PNLDC1: variants seen among roughly 807,000 people sequenced by gnomAD.
PNLDC1 encodes poly(A)-specific ribonuclease PNLDC1.
Under a neutral mutation model 82.0 loss-of-function variants are expected in PNLDC1, and 70 were observed. The ratio of observed to expected loss-of-function variants is 0.85; its 90% CI spans 0.70 to 1.04. The LOEUF is 1.04. Ranked by LOEUF, PNLDC1 falls within the 50% of genes least tolerant of loss-of-function variation. PNLDC1 has a pLI of 0.00. For synonymous variants in PNLDC1, 280 were observed against 249.3 expected, an observed-to-expected ratio of 1.12 and a Z score of -1.16; for missense variants, 631 against 661.1, an observed-to-expected ratio of 0.95 and a Z score of 0.50.
intron 10 of PNLDC1, among the ~76,000 whole-genome samples, chr6:159,811,376 C>A (rs538506352): frequency 3.8e-4 from 58 of 152,186 alleles, no homozygotes; most frequent in African/African-American, 1.4e-3. Context: ...CAAATGATAT[C>A]ATGTCTGCCT....
intron 3 of PNLDC1, among the ~76,000 whole-genome samples, chr6:159,802,300 G>C (rs953456247): frequency 6.6e-6 from 1 of 151,718 alleles, no homozygotes; most frequent in Non-Finnish European, 1.5e-5. Context: ...GCCCTCTCCC[G>C]CACCATTGGG....
At position 159,809,067 on chromosome 6, in the gene PNLDC1, CT is replaced by C; in HGVS notation, c.694del (p.Cys232ValfsTer26). 6.2e-7 allele frequency: 1 copy of C among 1,614,024 alleles called. No individual in the cohort carries two copies. The highest frequency in any genetic ancestry group is 8.5e-7 in the Non-Finnish European group (1 of 1,180,016). On this transcript the variant is annotated frameshift_variant, in exon 9 of 19. Transcript: ENST00000392167. LOFTEE classifies it high-confidence loss of function. Reference protein sequence around the residue: ...KQHRWYLQNTSCDRESCWKEN... With the variant: ...KQHRWYLQNTXCDRESCWKEN... ...CATCGTTGGTATCTTCAGAACACCT[CT>C]TGTGACCGAGAGAGCTGTTGGAAGG...
At position 159,818,907 on chromosome 6, in the gene PNLDC1, G is replaced by A. The variant is rs1393642122; in HGVS notation, c.1258-39G>A. 4.4e-6 allele frequency: 7 copies of A among 1,599,912 alleles called. No individual in the cohort carries two copies. In the African/African-American group the frequency reaches 5.4e-5, roughly 12 times the overall value. On this transcript the variant is annotated intron_variant, in intron 16 of 18. Coordinates refer to ENST00000392167, the MANE Select transcript of PNLDC1 (RefSeq NM_001271862.2). Reference sequence around the variant, plus strand: ...TTCAGACTGGATAAGAAGTCAGGAAGAACTGTGGAAAATCTCTTGTGTTCT... The same window carrying A: ...TTCAGACTGGATAAGAAGTCAGGAAAAACTGTGGAAAATCTCTTGTGTTCT...
chr6:159,809,434 G>A (rs1298172566), intron 9 of PNLDC1, among the ~76,000 whole-genome samples: 4 of 148,852 alleles, frequency 2.7e-5, no homozygotes, highest in African/African-American at 9.9e-5. Context: ...ACAGGCACAT[G>A]CCACCATACC....
intron 1 of PNLDC1, 128 bp downstream of exon 1, chr6:159,800,511 CTT>C: frequency 6.9e-6 from 9 of 1,307,902 alleles, no homozygotes; most frequent in Non-Finnish European, 9.4e-6. Context: ...GACAGGGGGG[CTT>C]CCTTCTCCAG....
chr6:159,801,222 A>C, intron 3 of PNLDC1, 36 bp downstream of exon 3: 1 of 1,578,950 alleles, frequency 6.3e-7, no homozygotes, highest in Middle Eastern at 1.7e-4. Context: ...TTTTTCAAGA[A>C]GGTATTTTTA....
chr6:159,812,515 T>G (rs763483858), intron 11 of PNLDC1, among the ~76,000 whole-genome samples: 1 of 152,176 alleles, frequency 6.6e-6, no homozygotes, highest in Non-Finnish European at 1.5e-5. Context: ...CATTGAGCCC[T>G]CCAGTCATGG....
Position 159,800,847 on chromosome 6 carries a change from T to C in PNLDC1, c.134+18T>C. ...CAGATCAGGTAAAACTAAAGCTGTG[T>C]CCCCTCTGTATAAGAGCCTGGCCAG... On this transcript the variant is annotated intron_variant, in intron 2 of 18. Transcript: ENST00000392167. 1 of 1,613,962 alleles carries C rather than the reference T, an allele frequency of 6.2e-7. No individual in the cohort carries two copies. Among genetic ancestry groups the C allele is most frequent in the African/African-American group, 1.3e-5 (1 of 75,008 alleles).
At chr6:159,800,522 A>G in intron 1 of PNLDC1, 139 bp downstream of exon 1, 1 of 1,311,394 alleles carries the variant, frequency 7.6e-7, no homozygotes. Context: ...TTCCTTCTCC[A>G]GCCCCGGGGC....
intron 11 of PNLDC1, among the ~76,000 whole-genome samples, 177 bp from the exon 12 acceptor site, chr6:159,813,424 C>T (rs1020266705): frequency 1.3e-5 from 2 of 152,178 alleles, no homozygotes; most frequent in African/African-American, 2.4e-5. Context: ...CCCAGGAATA[C>T]TGCGTACCCT....
Position 159,801,218 on chromosome 6 carries a change from A to G in PNLDC1, c.208+32A>G, listed in dbSNP as rs144727551. On this transcript the variant is annotated intron_variant, in intron 3 of 18. Coordinates refer to ENST00000392167, the MANE Select transcript of PNLDC1 (RefSeq NM_001271862.2). ...TTAATATCAGCTGTTAGAGTTTTTC[A>G]AGAAGGTATTTTTATTGTCCTTGGA... 5.0e-5 allele frequency: 79 copies of G among 1,587,352 alleles called. No individual in the cohort carries two copies. In the African/African-American group the frequency reaches 8.7e-4, roughly 18 times the overall value.
At chr6:159,809,876 C>T in intron 9 of PNLDC1, 150 bp from the exon 10 acceptor site, 1 of 658,388 alleles carries the variant, frequency 1.5e-6, no homozygotes. Flanking sequence ...AACTACCTTT[C>T]ACAGAGGCAA....
chr6:159,799,533 G>C (rs930069507), upstream of PNLDC1, among the ~76,000 whole-genome samples: 1 of 152,178 alleles, frequency 6.6e-6, no homozygotes, highest in Non-Finnish European at 1.5e-5. Flanking sequence ...GAGGACCATA[G>C]TTCCAAAACG....
chr6:159,799,558 G>A (rs1781158809), upstream of PNLDC1, among the ~76,000 whole-genome samples: 1 of 152,182 alleles, frequency 6.6e-6, no homozygotes, highest in Non-Finnish European at 1.5e-5. Flanking sequence ...TCAAGTAGAA[G>A]CCTAGAATTC....
chr6:159,813,607 A>G lies in PNLDC1; in HGVS notation c.946A>G (p.Asn316Asp). Residue 316 changes from asparagine to aspartate, a missense_variant, in exon 12 of 19, where the codon AAT becomes GAT. Physicochemically the swap from Asn to Asp is conservative, Grantham distance 23. Transcript: ENST00000392167. Reference protein sequence around the residue: ...SVTKDIWKEMNFPRVSNLSEV... With the variant: ...SVTKDIWKEMDFPRVSNLSEV... ...TTGTTTTCCATGATTGTAGGAGATG[A>G]ATTTCCCGAGGGTGTCGAATCTTTC... 6.2e-7 allele frequency: 1 copy of G among 1,612,872 alleles called. No individual in the cohort carries two copies. The highest frequency in any genetic ancestry group is 8.5e-7 in the Non-Finnish European group (1 of 1,178,834).
At chr6:159,802,016 C>A (rs958684755) in intron 3 of PNLDC1, among the ~76,000 whole-genome samples, 1 of 151,960 alleles carries the variant, frequency 6.6e-6, no homozygotes, top group Non-Finnish European at 1.5e-5. Context: ...GCCTCCAGAG[C>A]AGCTGGGATT....
chr6:159,820,421 C>G (rs920978357), intron 18 of PNLDC1, 33 bp from the exon 19 acceptor site: 1 of 1,611,430 alleles, frequency 6.2e-7, no homozygotes, highest in South Asian at 1.1e-5. Context: ...CTGCTGGGTG[C>G]CCCGGCCACT....
chr6:159,800,976 A>G, intron 2 of PNLDC1, 137 bp from the exon 3 acceptor site: 1 of 1,442,452 alleles, frequency 6.9e-7, no homozygotes, highest in Admixed American at 1.7e-5. Context: ...TCTGTCCACT[A>G]AATGATGGTA....
chr6:159,812,980 C>T (rs562027231), intron 11 of PNLDC1, among the ~76,000 whole-genome samples: 42 of 152,254 alleles, frequency 2.8e-4, no homozygotes, highest in African/African-American at 9.9e-4. Flanking sequence ...GCCGAGATTG[C>T]ACCCCTGTAT....
Sources: allele counts gnomAD v4.1 joint callset (sites outside exome capture counted in the v4.1 genomes callset), GRCh38; gene constraint gnomAD v4.1.1; transcripts MANE v1.5; gene names NCBI Gene and HGNC (gene_info 2026-07-23, HGNC 2026-07-21).